Variants in IMMP2L observed in about 807,000 individuals in gnomAD.
IMMP2L encodes mitochondrial inner membrane protease subunit 2.
In IMMP2L, 18 loss-of-function variants were observed where a neutral mutation model predicts 19.3. The observed-to-expected ratio is 0.93, with a 90% confidence interval of 0.64 to 1.38. IMMP2L has a LOEUF of 1.38. Among genes scored for constraint, IMMP2L ranks in the 40% most tolerant of loss-of-function variants. IMMP2L has a pLI of 0.00. For synonymous variants in IMMP2L, 76 were observed against 73.0 expected (o/e 1.04, Z -0.21); for missense variants, 233 against 218.2 (o/e 1.07, Z -0.43).
At chr7:110,755,416 T>G (rs1321848465) in intron 5 of IMMP2L, among the ~76,000 whole-genome samples, 3 of 152,136 alleles carry the variant, frequency 2.0e-5, no homozygotes, top group Admixed American at 2.0e-4. Flanking sequence ...TTTTAAAACT[T>G]AAGTACTTAT....
intron 3 of IMMP2L, among the ~76,000 whole-genome samples, chr7:111,203,205 C>T (rs898856227): frequency 2.0e-5 from 3 of 152,024 alleles, no homozygotes; most frequent in African/African-American, 7.2e-5. Flanking sequence ...ATAGGCAAGA[C>T]GGTTTTTTTT....
chr7:111,538,633 T>TA (rs34613701), intron 1 of IMMP2L, among the ~76,000 whole-genome samples: 1,502 of 97,146 alleles, frequency 0.015, 24 homozygotes, highest in East Asian at 0.072. Context: ...ACCCTGTCTC[T>TA]AAAAAAAAAA....
At chr7:110,851,375 T>C (rs1285832305) in intron 5 of IMMP2L, among the ~76,000 whole-genome samples, 1 of 152,164 alleles carries the variant, frequency 6.6e-6, no homozygotes, top group East Asian at 1.9e-4. Context: ...AGCAGGTGCA[T>C]GATGCACAGA....
chr7:110,670,018 C>A (rs1791783427), intron 5 of IMMP2L, among the ~76,000 whole-genome samples: 1 of 152,100 alleles, frequency 6.6e-6, no homozygotes, highest in Non-Finnish European at 1.5e-5. Flanking sequence ...GTTCCCTCAA[C>A]TTTATATGTT....
intron 5 of IMMP2L, among the ~76,000 whole-genome samples, chr7:110,756,818 G>T (rs898341346): frequency 1.3e-5 from 2 of 152,054 alleles, no homozygotes; most frequent in African/African-American, 4.8e-5. Context: ...AAAGATACTG[G>T]CTTGCACTTA....
chr7:111,492,700 T>C (rs1843212483), intron 2 of IMMP2L, among the ~76,000 whole-genome samples: 1 of 152,132 alleles, frequency 6.6e-6, no homozygotes, highest in Admixed American at 6.5e-5. Flanking sequence ...AGGTAAAGCA[T>C]TATAAACAAA....
chr7:111,556,040 A>ATATATATATATATATATATATG lies in IMMP2L; in HGVS notation c.-3+5810_-3+5811insCATATATATATATATATATATA, dbSNP rs1264908580. Among the ~76,000 whole-genome samples the ATATATATATATATATATATATG allele has an allele frequency of 3.2e-4, 44 of 139,394 alleles. 3 individuals carry two copies. Among genetic ancestry groups the ATATATATATATATATATATATG allele is most frequent in the Admixed American group, 1.2e-3 (16 of 13,628 alleles). 91.4% of individuals were successfully genotyped at this position (139,394 alleles called of 152,430 possible). On this transcript the variant is annotated intron_variant, in intron 1 of 5. Transcript: ENST00000405709. ...CATGTATATATATATATATATACAT[A>ATATATATATATATATATATATG]CCCAAAGAAAATGAAACCGCAACCT...
chr7:111,522,801 T>C (rs1846461251), intron 1 of IMMP2L, among the ~76,000 whole-genome samples: 1 of 151,996 alleles, frequency 6.6e-6, no homozygotes, highest in Non-Finnish European at 1.5e-5. Flanking sequence ...CCAAAGGAAC[T>C]GAAATCAGTA....
intron 2 of IMMP2L, among the ~76,000 whole-genome samples, chr7:111,509,864 G>T (rs910449260): frequency 6.6e-6 from 1 of 152,030 alleles, no homozygotes; most frequent in Non-Finnish European, 1.5e-5. Flanking sequence ...TATTTCTGTA[G>T]GGTTTAATTA....
At chr7:111,351,335 C>T (rs144300409) in intron 3 of IMMP2L, among the ~76,000 whole-genome samples, 3,804 of 152,184 alleles carry the variant, frequency 0.025, 181 homozygotes, top group African/African-American at 0.086. Context: ...AGATTACAGA[C>T]GCGTGCCACC....
At chr7:111,532,563 G>A (rs139699677) in intron 1 of IMMP2L, 9 of 152,136 alleles carry the variant, frequency 5.9e-5, no homozygotes, top group African/African-American at 2.2e-4. Flanking sequence ...GGAGTAGGAA[G>A]GCTTCTCAAA....
chr7:110,963,156 T>A, intron 4 of IMMP2L: 1 of 1,296,212 alleles, frequency 7.7e-7, no homozygotes, highest in Non-Finnish European at 1.0e-6. Flanking sequence ...TGTTCTTGAA[T>A]TTTTTTAAAT....
chr7:111,484,263 T>A (rs555651431), intron 3 of IMMP2L, among the ~76,000 whole-genome samples: 1 of 152,208 alleles, frequency 6.6e-6, no homozygotes, highest in Non-Finnish European at 1.5e-5. Flanking sequence ...ATTGTTTTCA[T>A]CAGTGCTCTG....
chr7:111,556,631 A>AATC (rs1791397643), intron 1 of IMMP2L, among the ~76,000 whole-genome samples: 1 of 152,082 alleles, frequency 6.6e-6, no homozygotes, highest in Admixed American at 6.6e-5. Context: ...GTAACTTTAC[A>AATC]ATCATCATCA....
intron 3 of IMMP2L, among the ~76,000 whole-genome samples, chr7:111,129,831 T>C (rs1218797251): frequency 1.3e-5 from 2 of 152,086 alleles, no homozygotes; most frequent in Non-Finnish European, 2.9e-5. Flanking sequence ...AGGAGCAAAG[T>C]GCAAAATCAG....
At chr7:110,947,991 T>C (rs1392706047) in intron 4 of IMMP2L, among the ~76,000 whole-genome samples, 1 of 151,604 alleles carries the variant, frequency 6.6e-6, no homozygotes, top group East Asian at 1.9e-4. Flanking sequence ...CACAATTTAC[T>C]CTTCTGAAAG....
intron 3 of IMMP2L, among the ~76,000 whole-genome samples, chr7:110,966,365 T>C (rs1472422632): frequency 1.3e-5 from 2 of 152,038 alleles, no homozygotes; most frequent in Non-Finnish European, 2.9e-5. Flanking sequence ...ATTTGTGTTA[T>C]ATGACATTAC....
At chr7:111,143,295 AT>A (rs986869861) in intron 3 of IMMP2L, among the ~76,000 whole-genome samples, 8 of 152,162 alleles carry the variant, frequency 5.3e-5, no homozygotes, top group African/African-American at 1.9e-4. Context: ...CTGAATACAT[AT>A]CTGAGGAATC....
intron 3 of IMMP2L, among the ~76,000 whole-genome samples, chr7:111,137,439 A>G (rs1469490340): frequency 6.6e-6 from 1 of 152,186 alleles, no homozygotes; most frequent in Non-Finnish European, 1.5e-5. Flanking sequence ...CAATTTTTCC[A>G]TTATGCAAAA....
Sources: gnomAD v4.1 joint callset for allele counts (sites outside exome capture counted in the v4.1 genomes callset) on GRCh38, gnomAD v4.1.1 for gene constraint, MANE v1.5 for transcripts, NCBI Gene and HGNC (gene_info 2026-07-23, HGNC 2026-07-21) for gene names.